The following CD1D variants were observed in gnomAD, a reference collection of about 807,000 sequenced individuals.
CD1D encodes CD1d molecule.
In CD1D, 40 loss-of-function variants were observed where a neutral mutation model predicts 42.1. The ratio of observed to expected loss-of-function variants is 0.95; its 90% CI spans 0.74 to 1.24. CD1D has a LOEUF of 1.24. Ranked by LOEUF, CD1D falls within the 50% of genes most tolerant of loss-of-function variation. The pLI is 0.00. For missense variants in CD1D, 437 were observed against 416.5 expected (o/e 1.05, Z -0.43); for synonymous variants, 178 against 171.8 (o/e 1.04, Z -0.28).
chr1:158,184,250 A>G lies in CD1D; in HGVS notation c.*100A>G. The G allele has an allele frequency of 8.0e-7, 1 of 1,247,716 alleles. No homozygotes were observed. Among genetic ancestry groups the G allele is most frequent in the Non-Finnish European group, 1.2e-6 (1 of 859,654 alleles). The allele number at this position is 1,247,716 out of a possible 1,614,324, so 77.3% of individuals were successfully genotyped here. The stretch of plus-strand genomic sequence containing the variant: ...TGCTCAGGAATTGAAGATGTAAGGA[A>G]TTGAAGATAGGAGAGATACCTTGAA... On this transcript the variant is annotated 3_prime_UTR_variant, in exon 6 of 6. Transcript: ENST00000674085.
At position 158,185,707 on chromosome 1, in the gene CD1D, T is replaced by C. The variant is rs703113; in HGVS notation, c.*1557T>C. On this transcript the variant is annotated 3_prime_UTR_variant, in exon 6 of 6. Coordinates refer to ENST00000674085, the MANE Select transcript of CD1D (RefSeq NM_001371762.2). ...TCTTAAAAAAAAATTATGCTAGCTT[T>C]TAAATCAATGGTTCCCAAATTGTAG... Among the ~76,000 whole-genome samples the C allele has an allele frequency of 0.52, 78,240 of 151,840 alleles. 20,745 individuals carry two copies. Among genetic ancestry groups the C allele is most frequent in the East Asian group, 0.76 (3,893 of 5,136 alleles).
In CD1D at chr1:158,180,984, C is replaced by G; in HGVS notation, c.-118C>G. On this transcript the variant is annotated 5_prime_UTR_variant, in exon 1 of 6. Transcript: ENST00000674085. The stretch of plus-strand genomic sequence containing the variant: ...GCGAGGAGGGCTGCCGGGGTCTGGG[C>G]TTGGGAATTGGCTGGCACCCAGCGG... 1.1e-6 allele frequency: 1 copy of G among 952,368 alleles called. No individual in the cohort carries two copies. The highest frequency in any genetic ancestry group is 1.5e-6 in the Non-Finnish European group (1 of 671,578). 59.0% of individuals were successfully genotyped at this position (952,368 alleles called of 1,614,324 possible).
At chr1:158,181,978 A>G in intron 2 of CD1D, 54 bp from the exon 3 acceptor site, 1 of 1,528,916 alleles carries the variant, frequency 6.5e-7, no homozygotes, top group Non-Finnish European at 8.8e-7. Context: ...CTTCTCTTTC[A>G]TCTCTCCCAG....
At position 158,182,113 on chromosome 1, in the gene CD1D, A is replaced by C; in HGVS notation, c.410A>C (p.Gln137Pro). 6.2e-7 allele frequency: 1 copy of C among 1,614,132 alleles called. No homozygotes were observed. The highest frequency in any genetic ancestry group is 8.5e-7 in the Non-Finnish European group (1 of 1,180,008). ...AATAACTTCTTCCATGTAGCATTTC[A>C]AGGAAAAGATATCCTGAGTTTCCAA... ...ASNNFFHVAF[Q>P]GKDILSFQGT... The change falls in exon 3 of 6, where the codon CAA becomes CCA. Residue 137 changes from glutamine to proline, a missense_variant. Transcript: ENST00000674085.
chr1:158,182,227 C>T lies in CD1D; in HGVS notation c.524C>T (p.Thr175Ile). 1 of 1,614,164 alleles carries T rather than the reference C, an allele frequency of 6.2e-7. No homozygotes were observed. Among genetic ancestry groups the T allele is most frequent in the Non-Finnish European group, 8.5e-7 (1 of 1,180,010 alleles). The stretch of plus-strand genomic sequence containing the variant: ...AACCAGGACAAGTGGACGAGGGAAA[C>T]AGTGCAGTGGCTCCTTAATGGCACC... ...VLNQDKWTRE[T>I]VQWLLNGTCP... Residue 175 changes from threonine (T) to isoleucine (I), a missense_variant, in exon 3 of 6, where the codon ACA becomes ATA. Physicochemically the swap from Thr to Ile is moderately conservative, Grantham distance 89 (BLOSUM62 -1). Coordinates refer to ENST00000674085, the MANE Select transcript of CD1D (RefSeq NM_001371762.2).
In CD1D at chr1:158,182,974, G is replaced by C; in HGVS notation, c.704G>C (p.Trp235Ser). 1 of 1,614,196 alleles carries C rather than the reference G, an allele frequency of 6.2e-7. No homozygotes were observed. The highest frequency in any genetic ancestry group is 2.2e-5 in the East Asian group (1 of 44,884). Residue 235 changes from tryptophan (W) to serine (S), a missense_variant, in exon 4 of 6, where the codon TGG (tryptophan) becomes TCG (serine). Trp to Ser is a radical substitution (Grantham distance 177). Transcript: ENST00000674085. ...TCAGGATTCTACCCAAAGCCTGTATGGGTGAAGTGGATGCGGGGTGAGCAG... is the reference window on the plus strand; with the variant it reads ...TCAGGATTCTACCCAAAGCCTGTATCGGTGAAGTGGATGCGGGGTGAGCAG... ...HVSGFYPKPV[W>S]VKWMRGEQEQ...
rs778952737 is a variant in CD1D at position 158,183,154 on chromosome 1, G to C, written c.884G>C (p.Trp295Ser). The change falls in exon 4 of 6, where the codon TGG (tryptophan) becomes TCG (serine). Residue 295 changes from tryptophan (W) to serine (S), a missense_variant and splice_region_variant. By Grantham distance (177) the Trp-to-Ser change is radical. Coordinates refer to ENST00000674085, the MANE Select transcript of CD1D (RefSeq NM_001371762.2). ...SLEGQDIVLYWGGSYTSMGLI... is the reference protein window; with the variant it reads ...SLEGQDIVLYSGGSYTSMGLI... The stretch of plus-strand genomic sequence containing the variant: ...GAGGGCCAGGACATCGTCCTCTACT[G>C]GGGTGAGAAAAAGCTGGGCCCAAGC... The C allele has an allele frequency of 3.8e-6, 6 of 1,594,320 alleles. No individual in the cohort carries two copies. In the South Asian group the frequency reaches 5.6e-5, roughly 15 times the overall value.
intron 1 of CD1D, 101 bp downstream of exon 1, chr1:158,181,263 C>T: frequency 6.9e-7 from 1 of 1,453,512 alleles, no homozygotes; most frequent in Non-Finnish European, 9.4e-7. Flanking sequence ...TGGTGAGACC[C>T]GGGACGCACT....
rs1648674364 is a variant in CD1D at position 158,185,621 on chromosome 1, C to T, written c.*1471C>T. On this transcript the variant is annotated 3_prime_UTR_variant, in exon 6 of 6. Transcript: ENST00000674085. ...GGAGGATCCCTTGAGCCCATGAATT[C>T]CAGGTTAGTGTGAGCTGTGATTGTG... Among the ~76,000 whole-genome samples the T allele has an allele frequency of 6.6e-6, 1 of 152,056 alleles. No individual in the cohort carries two copies. Among genetic ancestry groups the T allele is most frequent in the Admixed American group, 6.6e-5 (1 of 15,260 alleles).
At chr1:158,181,202 G>T in intron 1 of CD1D, 40 bp downstream of exon 1, 1 of 1,546,726 alleles carries the variant, frequency 6.5e-7, no homozygotes, top group Non-Finnish European at 8.7e-7. Flanking sequence ...TCGCGGGAGG[G>T]CGGAGAGAGG....
At position 158,184,277 on chromosome 1, in the gene CD1D, A is replaced by G; in HGVS notation, c.*127A>G. 1.1e-6 allele frequency: 1 copy of G among 924,534 alleles called. No individual in the cohort carries two copies. The allele number at this position is 924,534 out of a possible 1,614,324, so 57.3% of individuals were successfully genotyped here. ...TGAAGATAGGAGAGATACCTTGAAA[A>G]AGTAGAGAACAGTCATGAGGCAGCT... is the stretch of plus-strand genomic sequence containing the variant. On this transcript the variant is annotated 3_prime_UTR_variant, in exon 6 of 6. Coordinates refer to ENST00000674085, the MANE Select transcript of CD1D (RefSeq NM_001371762.2).
chr1:158,181,598 A>G lies in CD1D; in HGVS notation c.205A>G (p.Lys69Glu). 3 of 1,614,102 alleles carry G rather than the reference A, an allele frequency of 1.9e-6. No homozygotes were observed. The highest frequency in any genetic ancestry group is 2.5e-6 in the Non-Finnish European group (3 of 1,180,014). ...SNDSDTVRSL[K>E]PWSQGTFSDQ... Reference sequence around the variant, plus strand: ...CGACTCGGACACCGTCCGCTCTCTGAAGCCTTGGTCCCAGGGCACGTTCAG... The same window carrying G: ...CGACTCGGACACCGTCCGCTCTCTGGAGCCTTGGTCCCAGGGCACGTTCAG... The change falls in exon 2 of 6, where the codon AAG becomes GAG. Residue 69 changes from lysine (K) to glutamate (E), a missense_variant. Coordinates refer to ENST00000674085, the MANE Select transcript of CD1D (RefSeq NM_001371762.2).
chr1:158,185,504 C>T lies in CD1D; in HGVS notation c.*1354C>T, dbSNP rs1431463428. On this transcript the variant is annotated 3_prime_UTR_variant, in exon 6 of 6. Transcript: ENST00000674085. ...AGGCATTTGAAATCAGCCTGGGCAACATAGTGAGACCCTGTCTCTACAAAA... is the reference window on the plus strand; with the variant it reads ...AGGCATTTGAAATCAGCCTGGGCAATATAGTGAGACCCTGTCTCTACAAAA... Among the ~76,000 whole-genome samples, 1 of 152,064 alleles carries T rather than the reference C, an allele frequency of 6.6e-6. No individual in the cohort carries two copies. Among genetic ancestry groups the T allele is most frequent in the Non-Finnish European group, 1.5e-5 (1 of 68,000 alleles).
upstream of CD1D, among the ~76,000 whole-genome samples, chr1:158,178,511 G>A (rs997927482): frequency 6.6e-6 from 1 of 152,136 alleles, no homozygotes; most frequent in Non-Finnish European, 1.5e-5. Flanking sequence ...CTAATTTGAC[G>A]TTGTGAATTG....
rs562140777 is a variant in CD1D at position 158,185,382 on chromosome 1, G to A, written c.*1232G>A. ...TTGCACATATGAATTTAGGATGTGC[G>A]TGAAGATTCTGCTAGCTTCAACATA... On this transcript the variant is annotated 3_prime_UTR_variant, in exon 6 of 6. Coordinates refer to ENST00000674085, the MANE Select transcript of CD1D (RefSeq NM_001371762.2). 2.6e-5 allele frequency among the ~76,000 whole-genome samples: 4 copies of A among 152,264 alleles called. No homozygotes were observed. Among genetic ancestry groups the A allele is most frequent in the African/African-American group, 4.8e-5 (2 of 41,566 alleles).
chr1:158,184,496 G>A lies in CD1D; in HGVS notation c.*346G>A, dbSNP rs1199727384. On this transcript the variant is annotated 3_prime_UTR_variant, in exon 6 of 6. Coordinates refer to ENST00000674085, the MANE Select transcript of CD1D (RefSeq NM_001371762.2). The stretch of plus-strand genomic sequence containing the variant: ...GTGTGATGGGATCTGTAAGGAACTG[G>A]AACACACATGTCCTATCCAAAGGAA... 2 of 343,308 alleles carry A rather than the reference G, an allele frequency of 5.8e-6. No homozygotes were observed. The highest frequency in any genetic ancestry group is 1.1e-5 in the Non-Finnish European group (2 of 187,530). 21.3% of individuals were successfully genotyped at this position (343,308 alleles called of 1,614,324 possible).
Position 158,182,917 on chromosome 1 carries a change from G to A in CD1D, c.647G>A (p.Gly216Asp), listed in dbSNP as rs539075437. The change falls in exon 4 of 6, where the codon GGC (glycine) becomes GAC (aspartate). Residue 216 changes from glycine (G) to aspartate (D), a missense_variant. Gly to Asp is a moderately conservative substitution (Grantham distance 94, BLOSUM62 -1). Transcript: ENST00000674085. ...TGGCTGTCCCGTGGCCCCAGTCCTG[G>A]CCCTGGCCGTCTGCTGCTGGTGTGC... ...KAWLSRGPSP[G>D]PGRLLLVCHV... 3.7e-6 allele frequency: 6 copies of A among 1,613,426 alleles called. No individual in the cohort carries two copies. Among genetic ancestry groups the A allele is most frequent in the Non-Finnish European group, 5.1e-6 (6 of 1,179,554 alleles).
Position 158,184,245 on chromosome 1 carries a change from A to G in CD1D, c.*95A>G. On this transcript the variant is annotated 3_prime_UTR_variant, in exon 6 of 6. Coordinates refer to ENST00000674085, the MANE Select transcript of CD1D (RefSeq NM_001371762.2). ...TGGTCTGCTCAGGAATTGAAGATGT[A>G]AGGAATTGAAGATAGGAGAGATACC... 1.6e-6 allele frequency: 2 copies of G among 1,278,696 alleles called. No individual in the cohort carries two copies. The highest frequency in any genetic ancestry group is 2.3e-6 in the Non-Finnish European group (2 of 887,116). 79.2% of individuals were successfully genotyped at this position (1,278,696 alleles called of 1,614,324 possible).
chr1:158,182,052 T>C lies in CD1D; in HGVS notation c.349T>C (p.Ser117Pro), dbSNP rs1284508937. Residue 117 changes from serine (S) to proline (P), a missense_variant, in exon 3 of 6, where the codon TCC becomes CCC. By Grantham distance (74) the Ser-to-Pro change is moderately conservative (BLOSUM62 -1). Coordinates refer to ENST00000674085, the MANE Select transcript of CD1D (RefSeq NM_001371762.2). Reference sequence around the variant, plus strand: ...CACAGATCCCTTGGAGCTCCAGGTGTCCGCTGGCTGTGAGGTGCACCCTGG... The same window carrying C: ...CACAGATCCCTTGGAGCTCCAGGTGCCCGCTGGCTGTGAGGTGCACCCTGG... ...RLSYPLELQV[S>P]AGCEVHPGNA... 1 of 1,610,118 alleles carries C rather than the reference T, an allele frequency of 6.2e-7. No individual in the cohort carries two copies. The highest frequency in any genetic ancestry group is 8.5e-7 in the Non-Finnish European group (1 of 1,177,526).
Sources: gnomAD v4.1 joint callset for allele counts (sites outside exome capture counted in the v4.1 genomes callset) on GRCh38, gnomAD v4.1.1 for gene constraint, MANE v1.5 for transcripts, NCBI Gene and HGNC (gene_info 2026-07-23, HGNC 2026-07-21) for gene names.